Variants in AP3S1 observed in about 807,000 individuals in gnomAD.
AP3S1 encodes AP-3 complex subunit sigma-1.
In AP3S1, 12 loss-of-function variants were observed where a neutral mutation model predicts 21.3. The observed-to-expected ratio is 0.56, with a 90% confidence interval of 0.36 to 0.91. The LOEUF is 0.91. Ranked by LOEUF, AP3S1 falls within the 40% of genes least tolerant of loss-of-function variation. The pLI, the probability that AP3S1 is intolerant of heterozygous loss-of-function variation, is 0.01. For missense variants in AP3S1, 116 were observed against 225.0 expected (o/e 0.52, Z 3.10); for synonymous variants, 48 against 78.4 (o/e 0.61, Z 2.05).
chr5:115,869,504 C>T (rs1748029848), intron 2 of AP3S1, among the ~76,000 whole-genome samples: 1 of 152,146 alleles, frequency 6.6e-6, no homozygotes, highest in Non-Finnish European at 1.5e-5. Context: ...CCTGAACATA[C>T]ATACTTTGTT....
At chr5:115,898,924 C>T (rs552512874) in intron 4 of AP3S1, 2 of 152,196 alleles carry the variant, frequency 1.3e-5, no homozygotes, top group Non-Finnish European at 2.9e-5. Flanking sequence ...TAGTGTGGCT[C>T]CAATTGGGTG....
At chr5:115,846,556 T>G (rs1762079173) in intron 1 of AP3S1, among the ~76,000 whole-genome samples, 1 of 131,748 alleles carries the variant, frequency 7.6e-6, no homozygotes, top group Non-Finnish European at 1.6e-5. Flanking sequence ...TTCTTTCTCG[T>G]TTTTTTTTTT....
At chr5:115,867,364 AT>A (rs1747776804) in intron 2 of AP3S1, among the ~76,000 whole-genome samples, 1 of 152,148 alleles carries the variant, frequency 6.6e-6, no homozygotes, top group Non-Finnish European at 1.5e-5. Flanking sequence ...AATATACCTA[AT>A]TCAGCTAATC....
chr5:115,869,814 A>C (rs1748067445), intron 2 of AP3S1, among the ~76,000 whole-genome samples: 1 of 152,236 alleles, frequency 6.6e-6, no homozygotes, highest in African/African-American at 2.4e-5. Flanking sequence ...GAAATTAAGC[A>C]CTGGCTTCTT....
intron 3 of AP3S1, among the ~76,000 whole-genome samples, chr5:115,893,976 C>CAAT (rs1750537168): frequency 1.3e-5 from 2 of 152,126 alleles, no homozygotes; most frequent in South Asian, 4.1e-4. Flanking sequence ...GACAACTATG[C>CAAT]AAGTTGGAAT....
rs1752314164 is a variant in AP3S1, at chr5:115,913,952, T to C, written c.*462T>C. On this transcript the variant is annotated 3_prime_UTR_variant, in exon 6 of 6. Transcript: ENST00000316788. ...AACATTATGACTTTTTTCTCTTAGT[T>C]TAAATAAACTCCAAGGTAACTGGAC... 1 of 152,758 alleles carries C rather than the reference T, an allele frequency of 6.5e-6. No homozygotes were observed. Among genetic ancestry groups the C allele is most frequent in the Non-Finnish European group, 1.5e-5 (1 of 68,084 alleles). The allele number at this position is 152,758 out of a possible 1,614,324, so 9.5% of individuals were successfully genotyped here.
intron 1 of AP3S1, among the ~76,000 whole-genome samples, chr5:115,856,637 T>A (rs532559554): frequency 8.1e-6 from 1 of 123,892 alleles, no homozygotes; most frequent in Admixed American, 8.7e-5. Flanking sequence ...ACTAAGTTTT[T>A]AAAACGTTGT....
chr5:115,869,943 T>G (rs529853186), intron 2 of AP3S1, 74 bp from the exon 3 acceptor site: 4 of 904,128 alleles, frequency 4.4e-6, no homozygotes, highest in African/African-American at 3.5e-5. Context: ...TTAAACAAAT[T>G]GTCAGTTTGC....
chr5:115,893,706 C>G (rs1277267707), intron 3 of AP3S1, among the ~76,000 whole-genome samples: 1 of 152,174 alleles, frequency 6.6e-6, no homozygotes, highest in East Asian at 1.9e-4. Flanking sequence ...CATTTTACCC[C>G]TTTCCCCATA....
intron 3 of AP3S1, among the ~76,000 whole-genome samples, chr5:115,882,980 A>C (rs1319471573): frequency 6.6e-6 from 1 of 152,182 alleles, no homozygotes; most frequent in African/African-American, 2.4e-5. Context: ...TTGAACTTCC[A>C]GGTGGGTTTG....
At chr5:115,879,456 CAT>C (rs1276235424) in intron 3 of AP3S1, among the ~76,000 whole-genome samples, 1 of 152,090 alleles carries the variant, frequency 6.6e-6, no homozygotes, top group Non-Finnish European at 1.5e-5. Flanking sequence ...TTGAAATAAT[CAT>C]GTGGTTTTTG....
intron 3 of AP3S1, among the ~76,000 whole-genome samples, chr5:115,876,096 A>G (rs547114355): frequency 6.6e-6 from 1 of 152,276 alleles, no homozygotes; most frequent in Admixed American, 6.5e-5. Flanking sequence ...ATGGATTTGA[A>G]TCTTGGCTCT....
chr5:115,876,381 G>T (rs1748713997), intron 3 of AP3S1, among the ~76,000 whole-genome samples: 1 of 152,150 alleles, frequency 6.6e-6, no homozygotes, highest in Non-Finnish European at 1.5e-5. Context: ...TCCCTTCAAT[G>T]TAGGTTTAAG....
chr5:115,862,616 C>T (rs536230363), intron 1 of AP3S1, among the ~76,000 whole-genome samples: 1 of 152,122 alleles, frequency 6.6e-6, no homozygotes, highest in Non-Finnish European at 1.5e-5. Context: ...CATTCTGTTG[C>T]TATTGTGGTA....
intron 5 of AP3S1, chr5:115,906,748 T>A: frequency 3.3e-6 from 4 of 1,211,108 alleles, no homozygotes; most frequent in Non-Finnish European, 4.5e-6. Flanking sequence ...AGTCACTACT[T>A]TTTGAAAGTC....
At chr5:115,864,876 A>G (rs1293804706) in intron 1 of AP3S1, among the ~76,000 whole-genome samples, 5 of 152,232 alleles carry the variant, frequency 3.3e-5, no homozygotes, top group African/African-American at 1.2e-4. Flanking sequence ...ACAAATTGAC[A>G]TTAGACAATC....
At chr5:115,875,897 A>AG (rs1299407147) in intron 3 of AP3S1, among the ~76,000 whole-genome samples, 1 of 152,178 alleles carries the variant, frequency 6.6e-6, no homozygotes, top group Non-Finnish European at 1.5e-5. Flanking sequence ...ATGCTTGAGA[A>AG]GTCTGATTTC....
intron 4 of AP3S1, among the ~76,000 whole-genome samples, chr5:115,899,021 G>A (rs1750992984): frequency 1.3e-5 from 2 of 152,152 alleles, no homozygotes; most frequent in Non-Finnish European, 2.9e-5. Context: ...GGCTTGGTTT[G>A]GAGGATGTAT....
chr5:115,881,375 C>T (rs1486740369), intron 3 of AP3S1, among the ~76,000 whole-genome samples: 6 of 152,140 alleles, frequency 3.9e-5, no homozygotes, highest in African/African-American at 1.4e-4. Flanking sequence ...CCTTCAGGAG[C>T]TCTTGTAAGG....
Sources: allele counts gnomAD v4.1 joint callset (sites outside exome capture counted in the v4.1 genomes callset), GRCh38; gene constraint gnomAD v4.1.1; transcripts MANE v1.5; gene names NCBI Gene and HGNC (gene_info 2026-07-23, HGNC 2026-07-21).